Variants in MAN1A2 observed in about 807,000 individuals in gnomAD.
MAN1A2 encodes the protein mannosidase alpha class 1A member 2.
In MAN1A2, 26 loss-of-function variants were observed where a neutral mutation model predicts 75.7. The ratio of observed to expected loss-of-function variants is 0.34; its 90% CI spans 0.25 to 0.48. MAN1A2 has a LOEUF of 0.48. Among genes scored for constraint, MAN1A2 ranks in the 20% least tolerant of loss-of-function variants. The pLI, the probability that MAN1A2 is intolerant of heterozygous loss-of-function variation, is 0.99. For missense variants in MAN1A2, 562 were observed against 775.5 expected (o/e 0.72, Z 3.27); for synonymous variants, 247 against 264.6 (o/e 0.93, Z 0.65).
At chr1:117,494,627 G>C (rs192085340) in intron 9 of MAN1A2, 1 of 151,988 alleles carries the variant, frequency 6.6e-6, no homozygotes, top group Non-Finnish European at 1.5e-5. Flanking sequence ...TACTCAACAA[G>C]TGTTTATTGA....
chr1:117,464,356 C>CAAAAAAA (rs55923337), intron 7 of MAN1A2, among the ~76,000 whole-genome samples: 42,892 of 131,016 alleles, frequency 0.33, 7,144 homozygotes, highest in Middle Eastern at 0.46. Context: ...AAGACTCTGT[C>CAAAAAAA]AAAAAAAAAA....
intron 6 of MAN1A2, among the ~76,000 whole-genome samples, chr1:117,448,609 C>T (rs956704888): frequency 6.6e-6 from 1 of 152,158 alleles, no homozygotes; most frequent in South Asian, 2.1e-4. Flanking sequence ...TTTGACACTG[C>T]ATCAGAAAAG....
chr1:117,459,788 C>T (rs1363457971), intron 6 of MAN1A2, among the ~76,000 whole-genome samples: 1 of 152,030 alleles, frequency 6.6e-6, no homozygotes, highest in African/African-American at 2.4e-5. Context: ...GCCCAAGGGA[C>T]CATCAATAGG....
chr1:117,438,442 GTTAA>G (rs951975857), intron 5 of MAN1A2, among the ~76,000 whole-genome samples: 8 of 152,128 alleles, frequency 5.3e-5, no homozygotes, highest in Admixed American at 2.0e-4. Context: ...GTAAGCCAAA[GTTAA>G]TTAATTATTT....
rs1418277930 is a variant in MAN1A2 at position 117,523,004 on chromosome 1, A to T, written c.*47A>T. 1 of 1,603,958 alleles carries T rather than the reference A, an allele frequency of 6.2e-7. No homozygotes were observed. Among genetic ancestry groups the T allele is most frequent in the African/African-American group, 1.3e-5 (1 of 74,600 alleles). ...TCTCACCTGTGTTTTGTTTACATGG[A>T]CCACTACAGAAATTAGTTTGAAGGG... On this transcript the variant is annotated 3_prime_UTR_variant, in exon 13 of 13. Transcript: ENST00000356554.
intron 7 of MAN1A2, among the ~76,000 whole-genome samples, chr1:117,462,588 A>C (rs557736463): frequency 1.4e-4 from 21 of 152,170 alleles, no homozygotes; most frequent in Non-Finnish European, 2.4e-4. Context: ...AAGTTTTATT[A>C]GAAATGTTAT....
At chr1:117,517,913 G>A (rs1355358910) in intron 12 of MAN1A2, among the ~76,000 whole-genome samples, 3 of 151,830 alleles carry the variant, frequency 2.0e-5, no homozygotes, top group African/African-American at 7.3e-5. Flanking sequence ...AGCAACAGAG[G>A]AGAAAGAAAA....
intron 1 of MAN1A2, among the ~76,000 whole-genome samples, chr1:117,400,269 C>T (rs960060573): frequency 2.0e-5 from 3 of 151,746 alleles, no homozygotes; most frequent in Admixed American, 6.6e-5. Context: ...ACTTCACCTC[C>T]CTCTCCCTTT....
At chr1:117,481,694 C>A (rs1461666861) in intron 8 of MAN1A2, among the ~76,000 whole-genome samples, 1 of 151,918 alleles carries the variant, frequency 6.6e-6, no homozygotes, top group Non-Finnish European at 1.5e-5. Flanking sequence ...GTCTCATCAT[C>A]TATCAGGAGA....
At chr1:117,451,608 A>T (rs1034369398) in intron 6 of MAN1A2, among the ~76,000 whole-genome samples, 2 of 152,182 alleles carry the variant, frequency 1.3e-5, no homozygotes. Context: ...TAATTGAATC[A>T]TGCTATTCTT....
chr1:117,505,477 A>C (rs1369388473), intron 12 of MAN1A2, among the ~76,000 whole-genome samples: 1 of 151,086 alleles, frequency 6.6e-6, no homozygotes, highest in African/African-American at 2.4e-5. Context: ...ATGTATATCT[A>C]TCTATATATA....
intron 7 of MAN1A2, among the ~76,000 whole-genome samples, chr1:117,461,265 T>G (rs1425201782): frequency 6.6e-6 from 1 of 152,164 alleles, no homozygotes; most frequent in African/African-American, 2.4e-5. Context: ...ATGGAACTGC[T>G]GGAGGACATT....
At chr1:117,407,366 GT>G (rs1647649750) in intron 3 of MAN1A2, among the ~76,000 whole-genome samples, 1 of 151,928 alleles carries the variant, frequency 6.6e-6, no homozygotes, top group South Asian at 2.1e-4. Flanking sequence ...TACAATTTGA[GT>G]TTTTTTAATC....
chr1:117,404,272 TG>T (rs543951570), intron 2 of MAN1A2, among the ~76,000 whole-genome samples: 35 of 152,152 alleles, frequency 2.3e-4, no homozygotes, highest in Non-Finnish European at 4.4e-4. Context: ...TAAAGCAAGT[TG>T]GGAAATGTTT....
chr1:117,478,617 T>C (rs1379085913), intron 8 of MAN1A2, among the ~76,000 whole-genome samples: 1 of 151,790 alleles, frequency 6.6e-6, no homozygotes, highest in Non-Finnish European at 1.5e-5. Context: ...TCAAAGTTTA[T>C]TTTTTTTACA....
intron 6 of MAN1A2, among the ~76,000 whole-genome samples, chr1:117,442,758 A>G (rs929715536): frequency 3.3e-5 from 5 of 152,096 alleles, no homozygotes; most frequent in African/African-American, 1.2e-4. Flanking sequence ...AGGGCTTCCT[A>G]TTGCTGAATG....
At chr1:117,440,557 G>A (rs1352223174) in intron 5 of MAN1A2, among the ~76,000 whole-genome samples, 2 of 152,002 alleles carry the variant, frequency 1.3e-5, no homozygotes, top group Non-Finnish European at 1.5e-5. Context: ...TATATACTAT[G>A]TAAGGGATTT....
At chr1:117,459,836 A>G (rs999183788) in intron 6 of MAN1A2, among the ~76,000 whole-genome samples, 1 of 152,170 alleles carries the variant, frequency 6.6e-6, no homozygotes, top group African/African-American at 2.4e-5. Flanking sequence ...TAATATATTA[A>G]TTTTCACACA....
Position 117,464,681 on chromosome 1 carries a change from CAG to C in MAN1A2, c.1075-1651_1075-1650del, listed in dbSNP as rs1187190316. Among the ~76,000 whole-genome samples, 6 of 152,182 alleles carry C rather than the reference CAG, an allele frequency of 3.9e-5. No homozygotes were observed. In the East Asian group the frequency reaches 1.2e-3, roughly 29 times the overall value. ...ATAATGTGTTGAGAAGCTGGAAAAACAGAATCGAGTAAGGTTTCTCACAGACA... is the reference window on the plus strand; with the variant it reads ...ATAATGTGTTGAGAAGCTGGAAAAACAATCGAGTAAGGTTTCTCACAGACA... On this transcript the variant is annotated intron_variant, in intron 7 of 12. Coordinates refer to ENST00000356554, the MANE Select transcript of MAN1A2 (RefSeq NM_006699.5).
Sources: gnomAD v4.1 joint callset for allele counts (sites outside exome capture counted in the v4.1 genomes callset) on GRCh38, gnomAD v4.1.1 for gene constraint, MANE v1.5 for transcripts, NCBI Gene and HGNC (gene_info 2026-07-23, HGNC 2026-07-21) for gene names.